LIN52: variants seen among roughly 807,000 people sequenced by gnomAD.
The protein encoded by LIN52 is protein lin-52 homolog.
A neutral mutation model predicts 18.5 loss-of-function variants in LIN52; 4 were observed. The ratio of observed to expected loss-of-function variants is 0.22; its 90% CI spans 0.11 to 0.49. The LOEUF is 0.49. Among genes scored for constraint, LIN52 ranks in the 20% least tolerant of loss-of-function variants. The pLI is 0.97. For missense variants in LIN52, 102 were observed against 139.5 expected, an observed-to-expected ratio of 0.73 and a Z score of 1.35; for synonymous variants, 34 against 45.5, an observed-to-expected ratio of 0.75 and a Z score of 1.02.
At chr14:74,096,938 TAAG>T (rs1881430614) in intron 3 of LIN52, among the ~76,000 whole-genome samples, 1 of 152,208 alleles carries the variant, frequency 6.6e-6, no homozygotes, top group Admixed American at 6.5e-5. Context: ...AGAGCTATTC[TAAG>T]AATGGGCTTT....
At chr14:74,118,456 AC>A (rs2060977157) in intron 5 of LIN52, among the ~76,000 whole-genome samples, 1 of 152,138 alleles carries the variant, frequency 6.6e-6, no homozygotes, top group Admixed American at 6.5e-5. Flanking sequence ...CTCCCCTGTA[AC>A]CGTTGGTCAA....
chr14:74,126,036 T>TAA (rs35775748), intron 5 of LIN52, among the ~76,000 whole-genome samples: 2,064 of 140,402 alleles, frequency 0.015, 47 homozygotes, highest in African/African-American at 0.048. Flanking sequence ...CTTAAAGTAT[T>TAA]AAAAAAAAAA....
chr14:74,134,958 C>T (rs1449404426), intron 5 of LIN52, among the ~76,000 whole-genome samples: 1 of 152,170 alleles, frequency 6.6e-6, no homozygotes, highest in African/African-American at 2.4e-5. Flanking sequence ...GATGGAAAAG[C>T]AAACACATTG....
chr14:74,114,521 G>C, intron 5 of LIN52: 4 of 690,014 alleles, frequency 5.8e-6, no homozygotes, highest in African/African-American at 1.9e-5. Flanking sequence ...GGGATAAGCT[G>C]AAATTAGAGC....
chr14:74,197,794 A>G (rs189586644), intron 5 of LIN52, among the ~76,000 whole-genome samples: 1 of 152,328 alleles, frequency 6.6e-6, no homozygotes, highest in East Asian at 1.9e-4. Flanking sequence ...TCTTCATTGT[A>G]CAAGAAAACA....
chr14:74,097,079 T>G (rs10151964), intron 3 of LIN52, among the ~76,000 whole-genome samples: 77,445 of 152,106 alleles, frequency 0.51, 20,347 homozygotes, highest in East Asian at 0.89. Flanking sequence ...CTTAAAATGA[T>G]GATTTTCTCA....
intron 5 of LIN52, among the ~76,000 whole-genome samples, chr14:74,197,335 G>T (rs1477767417): frequency 6.6e-6 from 1 of 152,138 alleles, no homozygotes; most frequent in African/African-American, 2.4e-5. Flanking sequence ...AAAGAAATGA[G>T]GAATAAAATA....
chr14:74,200,412 CAGAAAAAA>C lies in LIN52; in HGVS notation c.*1437_*1444del, dbSNP rs1239549244. ...TGGGCAACAGAGTGAGACTCTGTCT[CAGAAAAAA>C]AAAAAAAAAAAAAAAAAAAAAAAGA... On this transcript the variant is annotated 3_prime_UTR_variant, in exon 6 of 6. Coordinates refer to ENST00000555028, the MANE Select transcript of LIN52 (RefSeq NM_001024674.3). 1 of 42,440 alleles carries C rather than the reference CAGAAAAAA, an allele frequency of 2.4e-5. No homozygotes were observed. Among genetic ancestry groups the C allele is most frequent in the Non-Finnish European group, 4.0e-5 (1 of 24,800 alleles). 2.6% of individuals were successfully genotyped at this position (42,440 alleles called of 1,614,324 possible).
At chr14:74,114,293 T>G (rs2060950328) in intron 5 of LIN52, 1 of 985,056 alleles carries the variant, frequency 1.0e-6, no homozygotes, top group African/African-American at 1.8e-5. Context: ...CACTGAAGAT[T>G]TTTGAATAGG....
chr14:74,151,743 C>G (rs532355457), intron 5 of LIN52, among the ~76,000 whole-genome samples: 2 of 152,100 alleles, frequency 1.3e-5, no homozygotes. Context: ...ACATGGCTAT[C>G]GTGCAGAACA....
chr14:74,183,048 C>T (rs368533020), intron 5 of LIN52, among the ~76,000 whole-genome samples: 1 of 150,742 alleles, frequency 6.6e-6, no homozygotes, highest in Non-Finnish European at 1.5e-5. Flanking sequence ...AAGAATTTAA[C>T]GATGGAAATA....
chr14:74,166,988 G>C (rs1224312972), intron 5 of LIN52, among the ~76,000 whole-genome samples: 1 of 152,044 alleles, frequency 6.6e-6, no homozygotes, highest in Non-Finnish European at 1.5e-5. Flanking sequence ...TGTCAGGAGA[G>C]CAGGTGTTGC....
intron 5 of LIN52, among the ~76,000 whole-genome samples, chr14:74,127,355 G>A (rs1226371035): frequency 6.6e-6 from 1 of 152,204 alleles, no homozygotes; most frequent in Non-Finnish European, 1.5e-5. Context: ...TGGAGAGAAC[G>A]GAGATGAGCT....
chr14:74,198,751 A>G (rs1206768156), intron 5 of LIN52, among the ~76,000 whole-genome samples, 171 bp from the exon 6 acceptor site: 1 of 152,236 alleles, frequency 6.6e-6, no homozygotes, highest in Non-Finnish European at 1.5e-5. Flanking sequence ...TTAGTTGTCT[A>G]TAGTGGTTTG....
intron 5 of LIN52, among the ~76,000 whole-genome samples, chr14:74,113,457 G>A (rs116795831): frequency 0.011 from 1,707 of 152,114 alleles, 31 homozygotes; most frequent in African/African-American, 0.038. Flanking sequence ...AAATGGAAAG[G>A]GAGCATATTC....
intron 5 of LIN52, among the ~76,000 whole-genome samples, chr14:74,170,934 A>G (rs951615530): frequency 6.6e-6 from 1 of 151,206 alleles, no homozygotes; most frequent in Non-Finnish European, 1.5e-5. Context: ...GTAATCCCAC[A>G]CTTAGAGATA....
At chr14:74,181,464 C>T (rs867620357) in intron 5 of LIN52, among the ~76,000 whole-genome samples, 1 of 151,716 alleles carries the variant, frequency 6.6e-6, no homozygotes, top group African/African-American at 2.4e-5. Context: ...CTAGTACATG[C>T]TTATGCTTAT....
intron 1 of LIN52, among the ~76,000 whole-genome samples, 174 bp from the exon 2 acceptor site, chr14:74,091,058 G>A (rs917351104): frequency 1.3e-5 from 2 of 152,204 alleles, no homozygotes; most frequent in Non-Finnish European, 2.9e-5. Flanking sequence ...GTGAGGTTTG[G>A]TAAGGGAGAA....
intron 5 of LIN52, among the ~76,000 whole-genome samples, chr14:74,139,795 T>C (rs950807158): frequency 1.3e-5 from 2 of 152,178 alleles, no homozygotes; most frequent in African/African-American, 4.8e-5. Context: ...GCTAGCATAG[T>C]GAGTCCAAGA....
Sources: allele counts gnomAD v4.1 joint callset (sites outside exome capture counted in the v4.1 genomes callset), GRCh38; gene constraint gnomAD v4.1.1; transcripts MANE v1.5; gene names NCBI Gene and HGNC (gene_info 2026-07-23, HGNC 2026-07-21).